The following BOD1L1 variants were observed in gnomAD, a reference collection of about 807,000 sequenced individuals.
BOD1L1 encodes biorientation of chromosomes in cell division protein 1-like 1.
In BOD1L1, 86 loss-of-function variants were observed where a neutral mutation model predicts 240.7. The observed-to-expected ratio is 0.36, with a 90% CI of 0.30 to 0.43. BOD1L1 has a LOEUF of 0.43. Among genes scored for constraint, BOD1L1 ranks in the 20% least tolerant of loss-of-function variants. BOD1L1 has a pLI of 1.00. For synonymous variants in BOD1L1, 1,268 were observed against 1,272.3 expected, an observed-to-expected ratio of 1.00 and a Z score of 0.07; for missense variants, 3,554 against 3,643.5, an observed-to-expected ratio of 0.98 and a Z score of 0.63.
intron 18 of BOD1L1, 50 bp from the exon 19 acceptor site, chr4:13,582,360 TC>T: frequency 6.9e-7 from 1 of 1,451,064 alleles, no homozygotes; most frequent in Non-Finnish European, 9.6e-7. Context: ...TGGTCAGCCT[TC>T]CCCACCTTTA....
chr4:13,617,673 CCTA>C (rs1283322565), intron 2 of BOD1L1, among the ~76,000 whole-genome samples: 2 of 152,204 alleles, frequency 1.3e-5, no homozygotes, highest in Non-Finnish European at 2.9e-5. Flanking sequence ...AATTTTCCCT[CCTA>C]CTGAGTCAGC....
At position 13,599,516 on chromosome 4, in the gene BOD1L1, T is replaced by C. The variant is rs1381424894; in HGVS notation, c.7384A>G (p.Lys2462Glu). The C allele has an allele frequency of 6.2e-7, 1 of 1,614,026 alleles. No individual in the cohort carries two copies. Among genetic ancestry groups the C allele is most frequent in the Non-Finnish European group, 8.5e-7 (1 of 1,179,894 alleles). ...TGAAGGGAGTTCAACAATACATTCT[T>C]CTCTTCTGCATTTATGAGGTGTAAA... is the stretch of plus-strand genomic sequence containing the variant. ...STLHLINAEE[K>E]NVLLNSLQKE... is the part of the protein sequence containing the mutation. Residue 2462 changes from lysine to glutamate, a missense_variant, in exon 10 of 26, where the codon AAG becomes GAG. Physicochemically the swap from Lys to Glu is moderately conservative, Grantham distance 56. This residue lies in a region of BOD1L1 where 3,393 missense variants were observed against 3,427.1 expected (regional missense o/e 0.99). Coordinates refer to ENST00000040738, the MANE Select transcript of BOD1L1 (RefSeq NM_148894.3).
chr4:13,610,558 A>C (rs924981926), intron 6 of BOD1L1, among the ~76,000 whole-genome samples: 4 of 152,230 alleles, frequency 2.6e-5, no homozygotes, highest in Non-Finnish European at 5.9e-5. Context: ...TATGAAAAAC[A>C]TTGTATCGAA....
chr4:13,573,565 C>G (rs1295330320), intron 25 of BOD1L1, among the ~76,000 whole-genome samples: 1 of 151,748 alleles, frequency 6.6e-6, no homozygotes, highest in Non-Finnish European at 1.5e-5. Flanking sequence ...GCTCTGTCAC[C>G]CAGGCTGGAG....
Position 13,600,650 on chromosome 4 carries a change from G to C in BOD1L1, c.6250C>G (p.Gln2084Glu). The change falls in exon 10 of 26, where the codon CAG becomes GAG. Residue 2084 changes from glutamine (Q) to glutamate (E), a missense_variant. By Grantham distance (29) the Gln-to-Glu change is conservative. Coordinates refer to ENST00000040738, the MANE Select transcript of BOD1L1 (RefSeq NM_148894.3). ...TCCACATCTGTAATTGCGCTTACCT[G>C]AGGGGTGTAATCATTTGTGGTACTG... is the stretch of plus-strand genomic sequence containing the variant. The part of the protein sequence containing the change: ...STSTTNDYTP[Q>E]VSAITDVEGG... 6.2e-7 allele frequency: 1 copy of C among 1,613,920 alleles called. No homozygotes were observed. Among genetic ancestry groups the C allele is most frequent in the African/African-American group, 1.3e-5 (1 of 75,022 alleles).
In BOD1L1 at chr4:13,603,623, T is replaced by G. The variant is rs1715411542; in HGVS notation, c.3277A>C (p.Thr1093Pro). ...AKGEEKLAANTLSTPSGSSLQ... is the reference protein window; with the variant it reads ...AKGEEKLAANPLSTPSGSSLQ... ...GAGGAACCGCTGGGAGTGCTCAAAG[T>G]GTTTGCTGCTAATTTTTCTTCTCCT... The change falls in exon 10 of 26, where the codon ACT becomes CCT. Residue 1093 changes from threonine (T) to proline (P), a missense_variant. Thr to Pro is a conservative substitution (Grantham distance 38). Around this residue, in one of 2 missense-constraint regions of BOD1L1, gnomAD observed 3,393 missense variants for 3,427.1 expected, o/e 0.99. Coordinates refer to ENST00000040738, the MANE Select transcript of BOD1L1 (RefSeq NM_148894.3). The G allele has an allele frequency of 6.2e-7, 1 of 1,613,936 alleles. No individual in the cohort carries two copies. Among genetic ancestry groups the G allele is most frequent in the Admixed American group, 1.7e-5 (1 of 60,024 alleles).
chr4:13,603,361 G>A lies in BOD1L1; in HGVS notation c.3539C>T (p.Ala1180Val). The A allele has an allele frequency of 6.2e-7, 1 of 1,613,970 alleles. No homozygotes were observed. Among genetic ancestry groups the A allele is most frequent in the Non-Finnish European group, 8.5e-7 (1 of 1,179,882 alleles). ...TCCTGTTCCACGGCCTGGCTTATAAGCTGGAGCTGTTGCTTTTGAATCTGC... is the reference window on the plus strand; with the variant it reads ...TCCTGTTCCACGGCCTGGCTTATAAACTGGAGCTGTTGCTTTTGAATCTGC... ...CTADSKATAP[A>V]YKPGRGTGVN... The change falls in exon 10 of 26, where the codon GCT becomes GTT. Residue 1180 changes from alanine (A) to valine (V), a missense_variant. Physicochemically the swap from Ala to Val is moderately conservative, Grantham distance 64. Around this residue, in one of 2 missense-constraint regions of BOD1L1, gnomAD observed 3,393 missense variants for 3,427.1 expected, o/e 0.99. Coordinates refer to ENST00000040738, the MANE Select transcript of BOD1L1 (RefSeq NM_148894.3).
At chr4:13,574,470 A>G (rs559570721) in intron 25 of BOD1L1, among the ~76,000 whole-genome samples, 1 of 152,382 alleles carries the variant, frequency 6.6e-6, no homozygotes, top group East Asian at 1.9e-4. Context: ...CCAGGTGATT[A>G]CAGAACCATA....
rs750122596 is a variant in BOD1L1, at chr4:13,570,085, C to T, written c.9082G>A (p.Val3028Ile). ...LSPSIKRKRE[V>I]SPPGARTRGQ... ...CTTGTTCGGGCCCCAGGAGGGCTGA[C>T]TTCTCTCTTGCGCTTGATAGAAGGG... The change falls in exon 26 of 26, where the codon GTC (valine) becomes ATC (isoleucine). Residue 3028 changes from valine to isoleucine, a missense_variant. Physicochemically the swap from Val to Ile is conservative, Grantham distance 29 (BLOSUM62 3). Around this residue, in one of 2 missense-constraint regions of BOD1L1, gnomAD observed 3,393 missense variants for 3,427.1 expected, o/e 0.99. Coordinates refer to ENST00000040738, the MANE Select transcript of BOD1L1 (RefSeq NM_148894.3). 6.2e-7 allele frequency: 1 copy of T among 1,605,754 alleles called. No individual in the cohort carries two copies. Among genetic ancestry groups the T allele is most frequent in the Non-Finnish European group, 8.5e-7 (1 of 1,176,706 alleles).
In BOD1L1 at chr4:13,600,480, C is replaced by T; in HGVS notation, c.6420G>A (p.Glu2140=). ...LTASRSEEKD[E]CAMISTSIGE... is the part of the protein sequence containing the mutation. ...CTATGCTTGTGGAAATCATGGCACA[C>T]TCATCTTTCTCTTCACTTCTGCTGG... The change falls in exon 10 of 26, where the codon GAG becomes GAA. Residue 2140 remains glutamate, a synonymous_variant. Coordinates refer to ENST00000040738, the MANE Select transcript of BOD1L1 (RefSeq NM_148894.3). 3 of 1,613,930 alleles carry T rather than the reference C, an allele frequency of 1.9e-6. No homozygotes were observed. Among genetic ancestry groups the T allele is most frequent in the Non-Finnish European group, 2.5e-6 (3 of 1,179,904 alleles).
chr4:13,583,690 T>C (rs1440896180), intron 17 of BOD1L1, among the ~76,000 whole-genome samples: 1 of 152,214 alleles, frequency 6.6e-6, no homozygotes, highest in African/African-American at 2.4e-5. Context: ...GTAAAAGAAG[T>C]GTCAGCTCAG....
rs527568349 is a variant in BOD1L1 at position 13,608,523 on chromosome 4, T to C, written c.1742+7A>G. ...ATAAGGGAAACATGACCAGATAAAA[T>C]ATGTACCTTGAATCTTTTTTTCTCT... On this transcript the variant is annotated splice_region_variant and intron_variant, in intron 8 of 25. Coordinates refer to ENST00000040738, the MANE Select transcript of BOD1L1 (RefSeq NM_148894.3). 2 of 1,530,146 alleles carry C rather than the reference T, an allele frequency of 1.3e-6. No individual in the cohort carries two copies. The highest frequency in any genetic ancestry group is 1.4e-5 in the African/African-American group (1 of 71,152). The allele number at this position is 1,530,146 out of a possible 1,614,324, so 94.8% of individuals were successfully genotyped here.
chr4:13,581,681 T>C (rs1384542839), intron 19 of BOD1L1, among the ~76,000 whole-genome samples: 1 of 152,206 alleles, frequency 6.6e-6, no homozygotes, highest in Non-Finnish European at 1.5e-5. Flanking sequence ...TGATTTATGG[T>C]GCTCAGTCTC....
Position 13,604,053 on chromosome 4 carries a change from T to G in BOD1L1, c.2847A>C (p.Glu949Asp), listed in dbSNP as rs1482116654. Residue 949 changes from glutamate to aspartate, a missense_variant, in exon 10 of 26, where the codon GAA (glutamate) becomes GAC (aspartate). Glu to Asp is a conservative substitution (Grantham distance 45). Around this residue, in one of 2 missense-constraint regions of BOD1L1, gnomAD observed 3,393 missense variants for 3,427.1 expected, o/e 0.99. Transcript: ENST00000040738. ...PKPDKEKNTE[E>D]NDSEKQRKSK... Reference sequence around the variant, plus strand: ...ACTTACGCTGTTTTTCTGAGTCATTTTCTTCTGTGTTCTTCTCCTTGTCTG... The same window carrying G: ...ACTTACGCTGTTTTTCTGAGTCATTGTCTTCTGTGTTCTTCTCCTTGTCTG... 6.2e-7 allele frequency: 1 copy of G among 1,613,750 alleles called. No homozygotes were observed. Among genetic ancestry groups the G allele is most frequent in the Non-Finnish European group, 8.5e-7 (1 of 1,179,874 alleles).
At position 13,603,911 on chromosome 4, in the gene BOD1L1, CTAATGG is replaced by C; in HGVS notation, c.2983_2988del (p.Pro995_Leu996del). The C allele has an allele frequency of 6.2e-7, 1 of 1,613,904 alleles. No homozygotes were observed. The highest frequency in any genetic ancestry group is 8.5e-7 in the Non-Finnish European group (1 of 1,179,884). On this transcript the variant is annotated inframe_deletion, in exon 10 of 26. Coordinates refer to ENST00000040738, the MANE Select transcript of BOD1L1 (RefSeq NM_148894.3). Reference sequence around the variant, plus strand: ...TTATCACTCTTATATTTCTCCTTTGCTAATGGTAACTTGGCTCTATGACTAGAATCC... The same window carrying C: ...TTATCACTCTTATATTTCTCCTTTGCTAACTTGGCTCTATGACTAGAATCC...
At position 13,586,061 on chromosome 4, in the gene BOD1L1, G is replaced by A. The variant is rs991730998; in HGVS notation, c.8433+335C>T. On this transcript the variant is annotated intron_variant, in intron 17 of 25. Coordinates refer to ENST00000040738, the MANE Select transcript of BOD1L1 (RefSeq NM_148894.3). ...AATAACTGTATTTCAATATTTTGGT[G>A]CAAGTATATCTGTGATAAAGCACAT... is the stretch of plus-strand genomic sequence containing the variant. Among the ~76,000 whole-genome samples the A allele has an allele frequency of 6.6e-5, 10 of 152,304 alleles. No individual in the cohort carries two copies. In the South Asian group the frequency reaches 2.1e-3, roughly 32 times the overall value.
chr4:13,595,255 C>T (rs900533248), intron 12 of BOD1L1, among the ~76,000 whole-genome samples: 2 of 152,172 alleles, frequency 1.3e-5, no homozygotes, highest in African/African-American at 4.8e-5. Flanking sequence ...AGCCATATAA[C>T]AAAATCTCTT....
intron 1 of BOD1L1, among the ~76,000 whole-genome samples, chr4:13,620,789 C>T (rs1017276714): frequency 6.6e-6 from 1 of 152,140 alleles, no homozygotes; most frequent in Non-Finnish European, 1.5e-5. Flanking sequence ...AAGGTCTTTA[C>T]TGGGGTGGCA....
chr4:13,573,006 T>C (rs1425781052), intron 25 of BOD1L1, among the ~76,000 whole-genome samples: 1 of 152,192 alleles, frequency 6.6e-6, no homozygotes, highest in African/African-American at 2.4e-5. Context: ...TCGATCTTAA[T>C]GTCATCTACA....
Sources: gnomAD v4.1 joint callset for allele counts (sites outside exome capture counted in the v4.1 genomes callset) on GRCh38, gnomAD v4.1.1 for gene constraint, gnomAD v4.1.1 regional missense constraint, MANE v1.5 for transcripts, NCBI Gene and HGNC (gene_info 2026-07-23, HGNC 2026-07-21) for gene names.